The following ADCK1 variants were observed in gnomAD, a reference collection of about 807,000 sequenced individuals.
ADCK1 encodes aarF domain-containing protein kinase 1.
In ADCK1, 41 loss-of-function variants were observed where a neutral mutation model predicts 52.3. That is an observed-to-expected ratio of 0.78 (90% confidence interval 0.61 to 1.02). The LOEUF is 1.02. Among genes scored for constraint, ADCK1 ranks in the 50% least tolerant of loss-of-function variants. The pLI is 0.00. For synonymous variants in ADCK1, 250 were observed against 274.6 expected (o/e 0.91, Z 0.89); for missense variants, 658 against 679.5 (o/e 0.97, Z 0.35).
chr14:77,899,043 G>T, intron 5 of ADCK1, 57 bp from the exon 6 acceptor site: 4 of 1,602,282 alleles, frequency 2.5e-6, no homozygotes, highest in Non-Finnish European at 2.6e-6. Flanking sequence ...GGAAGGTAGG[G>T]AATGTCCCTT....
In ADCK1 at chr14:77,883,122, C is replaced by T. The variant is rs1283875649; in HGVS notation, c.424-3969C>T. Among the ~76,000 whole-genome samples the T allele has an allele frequency of 4.6e-5, 7 of 152,028 alleles. No homozygotes were observed. The South Asian group carries it at 8.3e-4, about 18-fold the overall frequency. On this transcript the variant is annotated intron_variant, in intron 4 of 10. Transcript: ENST00000238561. ...CAGGGACATCGATATATTTGAATCA[C>T]GGGCCGACAGTAATTAAAAAGCACG...
chr14:77,913,471 G>T (rs1330616721), intron 7 of ADCK1, among the ~76,000 whole-genome samples: 1 of 152,316 alleles, frequency 6.6e-6, no homozygotes, highest in East Asian at 1.9e-4. Context: ...GCCTGACCTG[G>T]TGATCATATT....
chr14:77,802,900 G>T (rs1229509710), intron 1 of ADCK1, among the ~76,000 whole-genome samples: 5 of 152,058 alleles, frequency 3.3e-5, no homozygotes, highest in Non-Finnish European at 7.4e-5. Context: ...CTTGCAGTGA[G>T]CCGAGATTGC....
chr14:77,869,253 T>A (rs1364454189), intron 4 of ADCK1, among the ~76,000 whole-genome samples: 1 of 152,196 alleles, frequency 6.6e-6, no homozygotes, highest in African/African-American at 2.4e-5. Flanking sequence ...GAGATCAAGG[T>A]ATCAGCAGGG....
At chr14:77,820,280 T>C (rs55942240) in intron 2 of ADCK1, among the ~76,000 whole-genome samples, 6,530 of 151,454 alleles carry the variant, frequency 0.043, 275 homozygotes, top group African/African-American at 0.11. Context: ...ATTGGTATCC[T>C]AGGGGTAGCA....
At chr14:77,814,089 A>AT (rs755975823) in intron 1 of ADCK1, among the ~76,000 whole-genome samples, 42 of 140,574 alleles carry the variant, frequency 3.0e-4, no homozygotes, top group Admixed American at 1.2e-3. Flanking sequence ...TTTAAATTTT[A>AT]TTTTTCTGAG....
chr14:77,883,526 T>C (rs1017879170), intron 4 of ADCK1, among the ~76,000 whole-genome samples: 4 of 152,184 alleles, frequency 2.6e-5, no homozygotes, highest in Admixed American at 2.6e-4. Context: ...CATATTTAAT[T>C]ACAGGCTGCA....
At chr14:77,865,855 G>A (rs1017195) in intron 4 of ADCK1, among the ~76,000 whole-genome samples, 1,896 of 152,308 alleles carry the variant, frequency 0.012, 36 homozygotes, top group African/African-American at 0.044. Context: ...AGCATCTAGT[G>A]CAAGCTTGCT....
chr14:77,848,314 A>G (rs566087019), intron 3 of ADCK1, among the ~76,000 whole-genome samples: 1 of 152,318 alleles, frequency 6.6e-6, no homozygotes, highest in South Asian at 2.1e-4. Context: ...TGAATCTACT[A>G]TTTACTGGCT....
At chr14:77,866,897 G>C (rs548268338) in intron 4 of ADCK1, among the ~76,000 whole-genome samples, 2 of 152,224 alleles carry the variant, frequency 1.3e-5, no homozygotes, top group South Asian at 4.1e-4. Context: ...CCTACCCTGG[G>C]GTCTGACTCC....
At chr14:77,817,177 G>A (rs2081473750) in intron 1 of ADCK1, among the ~76,000 whole-genome samples, 1 of 152,208 alleles carries the variant, frequency 6.6e-6, no homozygotes, top group Non-Finnish European at 1.5e-5. Context: ...GGCAGGCGGA[G>A]GTTGCAGTGA....
intron 4 of ADCK1, among the ~76,000 whole-genome samples, chr14:77,873,534 T>TACTTGTGTTGAATGTGTGC (rs2082832214): frequency 6.6e-6 from 1 of 152,240 alleles, no homozygotes. Context: ...CTTGAGTATG[T>TACTTGTGTTGAATGTGTGC]ACTTGTGTTT....
At chr14:77,930,810 G>C (rs1462807994) in intron 9 of ADCK1, among the ~76,000 whole-genome samples, 2 of 152,204 alleles carry the variant, frequency 1.3e-5, no homozygotes, top group Non-Finnish European at 2.9e-5. Flanking sequence ...TATCTATGGA[G>C]ACTGAAAAGG....
Position 77,933,365 on chromosome 14 carries a change from T to C in ADCK1, c.1546T>C (p.Cys516Arg), listed in dbSNP as rs772537983. The stretch of plus-strand genomic sequence containing the variant: ...GGCTGACCGGGTCTTGGCCCTAATA[T>C]GCTGGCTGTTCCCTGCTCCACTCTG... ...KLADRVLALI[C>R]WLFPAPL Residue 516 changes from cysteine (C) to arginine (R), a missense_variant, in exon 11 of 11, where the codon TGC (cysteine) becomes CGC (arginine). By Grantham distance (180) the Cys-to-Arg change is radical (BLOSUM62 -3). Coordinates refer to ENST00000238561, the MANE Select transcript of ADCK1 (RefSeq NM_020421.4). The C allele has an allele frequency of 2.5e-6, 4 of 1,614,120 alleles. No homozygotes were observed. In the Admixed American group the frequency reaches 5.0e-5, roughly 20 times the overall value.
Position 77,815,470 on chromosome 14 carries a change from G to A in ADCK1, c.-11-3498G>A, listed in dbSNP as rs149045660. Among the ~76,000 whole-genome samples the A allele has an allele frequency of 5.5e-3, 830 of 151,002 alleles. 4 individuals carry two copies. The highest frequency in any genetic ancestry group is 8.0e-3 in the Non-Finnish European group (545 of 67,830). Reference sequence around the variant, plus strand: ...AACAGTCCTCCCATTGTGGCCTCCGGAAGTGCTGGGATTATAGGCATGAGT... The same window carrying A: ...AACAGTCCTCCCATTGTGGCCTCCGAAAGTGCTGGGATTATAGGCATGAGT... On this transcript the variant is annotated intron_variant, in intron 1 of 10. Coordinates refer to ENST00000238561, the MANE Select transcript of ADCK1 (RefSeq NM_020421.4).
intron 1 of ADCK1, among the ~76,000 whole-genome samples, chr14:77,804,521 G>A (rs528696027): frequency 6.6e-6 from 1 of 152,244 alleles, no homozygotes; most frequent in East Asian, 1.9e-4. Context: ...GTGGTCTCAA[G>A]GGTAGGGGTG....
intron 1 of ADCK1, among the ~76,000 whole-genome samples, chr14:77,802,165 A>G (rs1041380404): frequency 6.6e-6 from 1 of 151,212 alleles, no homozygotes; most frequent in Non-Finnish European, 1.5e-5. Context: ...CAAGTTTTCT[A>G]CCTTTTCTAA....
At chr14:77,877,169 C>T (rs2082919035) in intron 4 of ADCK1, among the ~76,000 whole-genome samples, 2 of 152,222 alleles carry the variant, frequency 1.3e-5, no homozygotes, top group South Asian at 2.1e-4. Context: ...GAGCTGAGAT[C>T]ATGCCACTGC....
chr14:77,866,319 G>A (rs1025406223), intron 4 of ADCK1, among the ~76,000 whole-genome samples: 2 of 152,196 alleles, frequency 1.3e-5, no homozygotes, highest in African/African-American at 4.8e-5. Context: ...GTTGTTGACC[G>A]AAATGTTGTT....
Sources: gnomAD v4.1 joint callset for allele counts (sites outside exome capture counted in the v4.1 genomes callset) on GRCh38, gnomAD v4.1.1 for gene constraint, MANE v1.5 for transcripts, NCBI Gene and HGNC (gene_info 2026-07-23, HGNC 2026-07-21) for gene names.